The following PFKP variants were observed in gnomAD, a reference collection of about 807,000 sequenced individuals.
The protein encoded by PFKP is phosphofructokinase, platelet.
In PFKP, 101 loss-of-function variants were observed where a neutral mutation model predicts 94.3. That is an observed-to-expected ratio of 1.07 (90% confidence interval 0.91 to 1.26). The LOEUF is 1.26. Among genes scored for constraint, PFKP ranks in the 50% most tolerant of loss-of-function variants. The pLI, the probability that PFKP is intolerant of heterozygous loss-of-function variation, is 0.00. For synonymous variants in PFKP, 573 were observed against 432.6 expected (o/e 1.32, Z -4.03); for missense variants, 1,145 against 1,103.3 (o/e 1.04, Z -0.53).
intron 1 of PFKP, among the ~76,000 whole-genome samples, chr10:3,071,269 TG>T (rs1439744022): frequency 6.6e-6 from 1 of 152,078 alleles, no homozygotes; most frequent in Admixed American, 6.5e-5. Flanking sequence ...CTCAGTAGAG[TG>T]TATATTATTT....
intron 16 of PFKP, among the ~76,000 whole-genome samples, chr10:3,121,733 G>A (rs577355398): frequency 4.4e-4 from 66 of 149,356 alleles, no homozygotes; most frequent in Non-Finnish European, 8.0e-4. Flanking sequence ...TTTATTATGC[G>A]ATTGTTTTAA....
chr10:3,076,388 G>A (rs116912195), intron 1 of PFKP, among the ~76,000 whole-genome samples: 2,584 of 152,046 alleles, frequency 0.017, 33 homozygotes, highest in Non-Finnish European at 0.026. Flanking sequence ...CCGCGCCCCC[G>A]CCCCAGCCCC....
At chr10:3,111,056 A>T (rs1355197854) in intron 10 of PFKP, among the ~76,000 whole-genome samples, 1 of 150,632 alleles carries the variant, frequency 6.6e-6, no homozygotes, top group Non-Finnish European at 1.5e-5. Context: ...ATGCATGTGT[A>T]TATATGTGTG....
At chr10:3,093,812 T>G (rs1564287702) in intron 2 of PFKP, among the ~76,000 whole-genome samples, 1 of 151,904 alleles carries the variant, frequency 6.6e-6, no homozygotes, top group Non-Finnish European at 1.5e-5. Flanking sequence ...CCCGGCTAAT[T>G]TTTTGTATTT....
chr10:3,130,108 G>A (rs1838407807), intron 17 of PFKP, 125 bp downstream of exon 17: 7 of 817,106 alleles, frequency 8.6e-6, no homozygotes, highest in South Asian at 3.7e-5. Flanking sequence ...TACAGAACAT[G>A]CCACGCTTGA....
chr10:3,103,218 CCTTT>C (rs1273368656), intron 4 of PFKP, among the ~76,000 whole-genome samples: 1 of 152,218 alleles, frequency 6.6e-6, no homozygotes, highest in Non-Finnish European at 1.5e-5. Flanking sequence ...AAATGTGGAT[CCTTT>C]CTTTTATTTT....
chr10:3,107,759 C>T (rs1054683255), intron 8 of PFKP: 2 of 981,250 alleles, frequency 2.0e-6, no homozygotes, highest in African/African-American at 3.6e-5. Flanking sequence ...TACAAAGCCA[C>T]TGTGTCCTCG....
intron 1 of PFKP, among the ~76,000 whole-genome samples, chr10:3,079,265 C>T (rs188335363): frequency 3.3e-5 from 5 of 151,742 alleles, no homozygotes; most frequent in Middle Eastern, 3.4e-3. Context: ...GACAGAGTCT[C>T]GCTCTGTCGC....
At chr10:3,116,520 T>A (rs1040006161) in intron 13 of PFKP, among the ~76,000 whole-genome samples, 1 of 152,212 alleles carries the variant, frequency 6.6e-6, no homozygotes, top group African/African-American at 2.4e-5. Context: ...ATCTCACACG[T>A]GGCTCAGGAT....
rs560900939 is a variant in PFKP, at chr10:3,095,232, CCACCCATAGGTGAACTA to C, written c.187-4041_187-4025del. Among the ~76,000 whole-genome samples, 72 of 85,408 alleles carry C rather than the reference CCACCCATAGGTGAACTA, an allele frequency of 8.4e-4. No homozygotes were observed. The South Asian group carries it at 0.018, about 22-fold the overall frequency. 56.0% of individuals were successfully genotyped at this position (85,408 alleles called of 152,430 possible). Reference sequence around the variant, plus strand: ...CTTACATATGAGACGTCCGAGAAAGCCACCCATAGGTGAACTACGCGCATAGGTGAACTAGCTTACTC... The same window carrying C: ...CTTACATATGAGACGTCCGAGAAAGCCGCGCATAGGTGAACTAGCTTACTC... On this transcript the variant is annotated intron_variant, in intron 2 of 21. Coordinates refer to ENST00000381125, the MANE Select transcript of PFKP (RefSeq NM_002627.5).
At position 3,082,532 on chromosome 10, in the gene PFKP, G is replaced by GC. The variant is rs1217418614; in HGVS notation, c.186+72dup. The GC allele has an allele frequency of 7.4e-6, 8 of 1,080,854 alleles. No individual in the cohort carries two copies. The African/African-American group carries it at 1.3e-4, about 17-fold the overall frequency. The allele number at this position is 1,080,854 out of a possible 1,614,324, so 67.0% of individuals were successfully genotyped here. A position where few individuals can be genotyped will look rare whatever the true frequency, so the allele number is the denominator to read the frequency against. ...CAGAGCCCTGCAGTCACCGGCGCTC[G>GC]CTCACCCCTGCCTCCCCCATGCTGA... On this transcript the variant is annotated intron_variant, in intron 2 of 21. Coordinates refer to ENST00000381125, the MANE Select transcript of PFKP (RefSeq NM_002627.5).
intron 2 of PFKP, among the ~76,000 whole-genome samples, chr10:3,094,405 T>C (rs1834317547): frequency 6.6e-6 from 1 of 152,240 alleles, no homozygotes; most frequent in Admixed American, 6.5e-5. Flanking sequence ...TATTTTAGAA[T>C]TTTACAGTTG....
Position 3,129,984 on chromosome 10 carries a change from G to A in PFKP, c.1848+1G>A. 1 of 1,570,038 alleles carries A rather than the reference G, an allele frequency of 6.4e-7. No individual in the cohort carries two copies. Among genetic ancestry groups the A allele is most frequent in the Non-Finnish European group, 8.7e-7 (1 of 1,155,028 alleles). On this transcript the variant is annotated splice_donor_variant, in intron 17 of 21. Transcript: ENST00000381125. LOFTEE classifies it high-confidence loss of function. ...GCCCTTCGACATCAGGGATCTGCAG[G>A]TATGTGACGGGGCTGGCCTCAGGGC...
At chr10:3,074,786 GATTA>G (rs895102846) in intron 1 of PFKP, among the ~76,000 whole-genome samples, 6 of 152,324 alleles carry the variant, frequency 3.9e-5, no homozygotes, top group East Asian at 1.9e-4. Context: ...ATCAATAGGA[GATTA>G]ATTAATTCCA....
Position 3,120,062 on chromosome 10 carries a change from C to T in PFKP, c.1683+18C>T, listed in dbSNP as rs1564336017. 1 of 1,613,030 alleles carries T rather than the reference C, an allele frequency of 6.2e-7. No individual in the cohort carries two copies. Among genetic ancestry groups the T allele is most frequent in the East Asian group, 2.2e-5 (1 of 44,876 alleles). On this transcript the variant is annotated intron_variant, in intron 16 of 21. Transcript: ENST00000381125. Reference sequence around the variant, plus strand: ...TCACCGACGTAAGTCCGTGTGCGCCCTGCCAGGCGGGCGCCGGCTGACGCT... The same window carrying T: ...TCACCGACGTAAGTCCGTGTGCGCCTTGCCAGGCGGGCGCCGGCTGACGCT...
At chr10:3,096,017 G>A (rs1299039911) in intron 2 of PFKP, among the ~76,000 whole-genome samples, 3 of 152,164 alleles carry the variant, frequency 2.0e-5, no homozygotes, top group Admixed American at 1.3e-4. Context: ...ATTACTTTCA[G>A]AGAACATTTT....
chr10:3,130,572 T>C (rs1838463139), intron 17 of PFKP, among the ~76,000 whole-genome samples: 1 of 152,114 alleles, frequency 6.6e-6, no homozygotes, highest in African/African-American at 2.4e-5. Flanking sequence ...AACAATTGTC[T>C]TTATTTAGAG....
Position 3,127,287 on chromosome 10 carries a change from G to A in PFKP, c.1684-2532G>A, listed in dbSNP as rs1345027994. ...AGTCGGGGGCGTGGCTCAGGTGTCA[G>A]GGCTGCGCTGTTCCACAGCCCCCTG... is the stretch of plus-strand genomic sequence containing the variant. On this transcript the variant is annotated intron_variant, in intron 16 of 21. Coordinates refer to ENST00000381125, the MANE Select transcript of PFKP (RefSeq NM_002627.5). Among the ~76,000 whole-genome samples the A allele has an allele frequency of 2.0e-5, 3 of 152,384 alleles. No homozygotes were observed. In the East Asian group the frequency reaches 5.8e-4, roughly 29 times the overall value.
intron 8 of PFKP, 120 bp from the exon 9 acceptor site, chr10:3,108,581 T>G: frequency 1.4e-6 from 1 of 699,742 alleles, no homozygotes; most frequent in South Asian, 1.7e-5. Flanking sequence ...GAAATAACTT[T>G]TCCCATTTAG....
Sources: gnomAD v4.1 joint callset for allele counts (sites outside exome capture counted in the v4.1 genomes callset) on GRCh38, gnomAD v4.1.1 for gene constraint, MANE v1.5 for transcripts, NCBI Gene and HGNC (gene_info 2026-07-23, HGNC 2026-07-21) for gene names.